Variants in GDPD4 observed in about 807,000 individuals in gnomAD.
GDPD4 encodes glycerophosphodiester phosphodiesterase domain containing 4.
In GDPD4, 60 loss-of-function variants were observed where a neutral mutation model predicts 67.8. That is an observed-to-expected ratio of 0.88 (90% CI 0.72 to 1.10). The LOEUF is 1.10. GDPD4 is among the 50% of genes least tolerant of loss of function. The pLI, the probability that GDPD4 is intolerant of heterozygous loss-of-function variation, is 0.00. For missense variants in GDPD4, 623 were observed against 613.9 expected, an observed-to-expected ratio of 1.01 and a Z score of -0.16; for synonymous variants, 212 against 210.9, an observed-to-expected ratio of 1.00 and a Z score of -0.04.
At chr11:77,276,081 GA>G in intron 5 of GDPD4, 79 bp downstream of exon 5, 1 of 974,516 alleles carries the variant, frequency 1.0e-6, no homozygotes, top group Non-Finnish European at 1.7e-6. Context: ...ACACAAAACT[GA>G]GTACCAAGGA....
chr11:77,235,009 G>GTTTTTTGTTTTTTTTTTTTTTTTT (rs1958524952), intron 13 of GDPD4, among the ~76,000 whole-genome samples: 1 of 52,254 alleles, frequency 1.9e-5, no homozygotes, highest in African/African-American at 6.3e-5. Flanking sequence ...GTCAATATCT[G>GTTTTTTGTTTTTTTTTTTTTTTTT]TTTTTTTTTT....
intron 13 of GDPD4, among the ~76,000 whole-genome samples, chr11:77,239,946 A>G (rs919838395): frequency 6.7e-6 from 1 of 149,444 alleles, no homozygotes; most frequent in Non-Finnish European, 1.5e-5. Context: ...TAGATGACGG[A>G]GCAAGACTGC....
Position 77,216,607 on chromosome 11 carries a change from AAAT to A in GDPD4, c.*667_*669del. On this transcript the variant is annotated 3_prime_UTR_variant, in exon 17 of 17. Transcript: ENST00000315938. Reference sequence around the variant, plus strand: ...TATGCACAGTCACTCCTTTAGCAGAAAATATTATGGAGGTGTTAGGATGAGATA... The same window carrying A: ...TATGCACAGTCACTCCTTTAGCAGAAATTATGGAGGTGTTAGGATGAGATA... The A allele has an allele frequency of 3.0e-6, 1 of 338,922 alleles. No individual in the cohort carries two copies. Among genetic ancestry groups the A allele is most frequent in the Admixed American group, 4.5e-5 (1 of 22,340 alleles). The allele number at this position is 338,922 out of a possible 1,614,324, so 21.0% of individuals were successfully genotyped here.
At chr11:77,225,414 TAAAGACTAA>T (rs1171191508) in intron 16 of GDPD4, among the ~76,000 whole-genome samples, 1 of 151,440 alleles carries the variant, frequency 6.6e-6, no homozygotes, top group Non-Finnish European at 1.5e-5. Flanking sequence ...TTTGAAGAAA[TAAAGACTAA>T]AATTATGTCC....
chr11:77,296,851 A>G (rs1425623428), intron 1 of GDPD4, among the ~76,000 whole-genome samples: 2 of 150,938 alleles, frequency 1.3e-5, no homozygotes, highest in African/African-American at 4.9e-5. Context: ...CAAGGTCAGG[A>G]GTTCGAGACC....
chr11:77,232,725 T>G (rs750892444), intron 14 of GDPD4, among the ~76,000 whole-genome samples: 1 of 152,220 alleles, frequency 6.6e-6, no homozygotes, highest in Non-Finnish European at 1.5e-5. Context: ...AAAGATATCT[T>G]TGAGCTTCAG....
At chr11:77,260,308 GA>G (rs995537942) in intron 10 of GDPD4, among the ~76,000 whole-genome samples, 1 of 133,686 alleles carries the variant, frequency 7.5e-6, no homozygotes. Context: ...CTCCATCTCA[GA>G]AAAAAAAATG....
chr11:77,233,034 G>A lies in GDPD4; in HGVS notation c.1380C>T (p.His460=), dbSNP rs1591533075. Residue 460 remains histidine (H), a synonymous_variant, in exon 14 of 17, where the codon CAC becomes CAT. Coordinates refer to ENST00000315938, the MANE Select transcript of GDPD4 (RefSeq NM_182833.3). ...TGGACAACCAGCTCACCATGAAGAA[G>A]TGAGGGTGATCAAGCTGACTCAGGA... ...IGLLSQLDHP[H]FFMTPKFYVF... 6.2e-7 allele frequency: 1 copy of A among 1,614,076 alleles called. No homozygotes were observed.
chr11:77,299,067 G>A (rs2135901704), intron 1 of GDPD4, among the ~76,000 whole-genome samples: 1 of 151,962 alleles, frequency 6.6e-6, no homozygotes, highest in South Asian at 2.1e-4. Flanking sequence ...CCTCACACTG[G>A]CCTCATATGA....
intron 4 of GDPD4, among the ~76,000 whole-genome samples, chr11:77,276,610 G>A (rs1201684778): frequency 2.0e-5 from 3 of 152,178 alleles, no homozygotes; most frequent in African/African-American, 4.8e-5. Context: ...GAGAAGAAAG[G>A]TCAGGAGGCA....
intron 10 of GDPD4, among the ~76,000 whole-genome samples, chr11:77,260,981 A>G (rs1362588112): frequency 6.6e-6 from 1 of 152,216 alleles, no homozygotes; most frequent in East Asian, 1.9e-4. Flanking sequence ...TGCAGAAAAA[A>G]ACATTTCAAA....
intron 11 of GDPD4, among the ~76,000 whole-genome samples, chr11:77,248,935 T>A: frequency 6.8e-6 from 1 of 147,636 alleles, no homozygotes; most frequent in Non-Finnish European, 1.5e-5. Context: ...CCATGTTAGC[T>A]AGGCTGGTCT....
At chr11:77,240,747 T>C (rs947191479) in intron 13 of GDPD4, among the ~76,000 whole-genome samples, 1 of 151,580 alleles carries the variant, frequency 6.6e-6, no homozygotes, top group Non-Finnish European at 1.5e-5. Flanking sequence ...AATAACCCAA[T>C]GAAAAAATGG....
chr11:77,280,028 T>C (rs1275487779), intron 3 of GDPD4, among the ~76,000 whole-genome samples: 1 of 152,132 alleles, frequency 6.6e-6, no homozygotes, highest in Non-Finnish European at 1.5e-5. Context: ...TATAGGTTAG[T>C]GAACATATAA....
chr11:77,253,658 G>C (rs887605714), intron 11 of GDPD4, among the ~76,000 whole-genome samples: 2 of 152,142 alleles, frequency 1.3e-5, no homozygotes, highest in Non-Finnish European at 2.9e-5. Flanking sequence ...CCAAAACATT[G>C]ATTCTCCAAG....
chr11:77,297,009 G>A (rs1247331720), intron 1 of GDPD4, among the ~76,000 whole-genome samples: 3 of 147,778 alleles, frequency 2.0e-5, no homozygotes, highest in East Asian at 4.1e-4. Flanking sequence ...AGCCAAGATC[G>A]CGCCACTGCA....
intron 16 of GDPD4, among the ~76,000 whole-genome samples, chr11:77,224,460 C>G (rs1958288322): frequency 6.6e-6 from 1 of 152,170 alleles, no homozygotes; most frequent in African/African-American, 2.4e-5. Context: ...TTCATCATAG[C>G]AGACTGGAGA....
intron 3 of GDPD4, among the ~76,000 whole-genome samples, chr11:77,283,436 G>C (rs1413086585): frequency 1.3e-5 from 2 of 152,084 alleles, no homozygotes; most frequent in African/African-American, 2.4e-5. Context: ...TGGGGAGAGA[G>C]GCAGAAAGAT....
chr11:77,233,485 G>GGAA (rs1958495419), intron 13 of GDPD4, among the ~76,000 whole-genome samples: 1 of 131,856 alleles, frequency 7.6e-6, no homozygotes. Context: ...AAAGGAAAAA[G>GGAA]GAAAACCCTA....
Sources: allele counts gnomAD v4.1 joint callset (sites outside exome capture counted in the v4.1 genomes callset), GRCh38; gene constraint gnomAD v4.1.1; transcripts MANE v1.5; gene names NCBI Gene and HGNC (gene_info 2026-07-23, HGNC 2026-07-21).